DOCK3: variants seen among roughly 807,000 people sequenced by gnomAD.
The protein encoded by DOCK3 is dedicator of cytokinesis 3.
In DOCK3, 60 loss-of-function variants were observed where a neutral mutation model predicts 265.6. The observed-to-expected ratio is 0.23, with a 90% CI of 0.18 to 0.28. The LOEUF is 0.28. Among genes scored for constraint, DOCK3 ranks in the 10% least tolerant of loss-of-function variants. DOCK3 has a pLI of 1.00. For synonymous variants in DOCK3, 881 were observed against 938.0 expected (o/e 0.94, Z 1.11); for missense variants, 1,981 against 2,594.3 (o/e 0.76, Z 5.14).
chr3:50,921,635 G>C (rs988919495), intron 4 of DOCK3, among the ~76,000 whole-genome samples: 24 of 151,898 alleles, frequency 1.6e-4, no homozygotes, highest in African/African-American at 5.8e-4. Context: ...GAGGTGCTCT[G>C]ATTTTTAGAA....
At chr3:51,224,736 AT>A (rs56741807) in intron 14 of DOCK3, among the ~76,000 whole-genome samples, 4,040 of 144,532 alleles carry the variant, frequency 0.028, 164 homozygotes, top group African/African-American at 0.092. Context: ...GCGTTTTACT[AT>A]TTTTTTTTTT....
intron 10 of DOCK3, among the ~76,000 whole-genome samples, chr3:51,148,439 C>T (rs1168702446): frequency 6.6e-6 from 1 of 152,104 alleles, no homozygotes; most frequent in Non-Finnish European, 1.5e-5. Context: ...CTGAATGGTA[C>T]TGCCTGGGTT....
chr3:51,297,026 G>A (rs2082118508), intron 27 of DOCK3, among the ~76,000 whole-genome samples: 1 of 146,954 alleles, frequency 6.8e-6, no homozygotes, highest in Non-Finnish European at 1.5e-5. Flanking sequence ...GCTGAGGCAT[G>A]AGAATCGCTT....
intron 10 of DOCK3, among the ~76,000 whole-genome samples, chr3:51,152,673 G>A (rs1486529553): frequency 6.6e-6 from 1 of 152,146 alleles, no homozygotes; most frequent in Non-Finnish European, 1.5e-5. Context: ...CTACAGATGG[G>A]GTTTTGGTGT....
chr3:51,020,791 T>G (rs569208501), intron 5 of DOCK3, among the ~76,000 whole-genome samples: 1 of 151,936 alleles, frequency 6.6e-6, no homozygotes, highest in South Asian at 2.1e-4. Context: ...GTGTGCAGTC[T>G]TATTTCTGAG....
chr3:51,085,525 A>G (rs1313689406), intron 7 of DOCK3, among the ~76,000 whole-genome samples: 3 of 152,236 alleles, frequency 2.0e-5, no homozygotes, highest in Non-Finnish European at 2.9e-5. Flanking sequence ...GAACTTTGTA[A>G]ACTGTATAAA....
At chr3:51,012,063 C>T (rs191855229) in intron 5 of DOCK3, among the ~76,000 whole-genome samples, 21 of 152,286 alleles carry the variant, frequency 1.4e-4, no homozygotes, top group East Asian at 3.9e-4. Flanking sequence ...TTAGGCTACT[C>T]GGGGGTCAGG....
chr3:51,060,869 AAAAC>A lies in DOCK3; in HGVS notation c.316-3572_316-3569del, dbSNP rs1180513812. 2.0e-5 allele frequency among the ~76,000 whole-genome samples: 3 copies of A among 152,212 alleles called. No homozygotes were observed. The East Asian group carries it at 5.8e-4, about 29-fold the overall frequency. ...TGAACTCAAACAAATTTACAAGAAAAAAACAAACAACCCTATCAACAAGTGGGCA... is the reference window on the plus strand; with the variant it reads ...TGAACTCAAACAAATTTACAAGAAAAAAACAACCCTATCAACAAGTGGGCA... On this transcript the variant is annotated intron_variant, in intron 5 of 52. Coordinates refer to ENST00000266037, the MANE Select transcript of DOCK3 (RefSeq NM_004947.5).
At chr3:51,121,991 T>C (rs547005866) in intron 9 of DOCK3, among the ~76,000 whole-genome samples, 4 of 152,288 alleles carry the variant, frequency 2.6e-5, no homozygotes, top group Admixed American at 2.6e-4. Flanking sequence ...GTCATAGTCA[T>C]GGACTCCAGA....
At chr3:51,246,922 C>T in intron 22 of DOCK3, 115 bp downstream of exon 22, 1 of 1,001,532 alleles carries the variant, frequency 1.0e-6, no homozygotes. Flanking sequence ...GGCCTGCTTT[C>T]AGGAATGACT....
intron 12 of DOCK3, among the ~76,000 whole-genome samples, chr3:51,193,488 A>G (rs2107871468): frequency 6.6e-6 from 1 of 152,210 alleles, no homozygotes; most frequent in East Asian, 1.9e-4. Context: ...TTTCAAGACA[A>G]TTGGTATTAG....
chr3:50,848,087 G>A (rs945178608), intron 3 of DOCK3, among the ~76,000 whole-genome samples: 2 of 151,622 alleles, frequency 1.3e-5, no homozygotes, highest in African/African-American at 4.9e-5. Context: ...TTGGTTTAAA[G>A]TCTCTTTTAT....
chr3:51,332,934 A>G (rs2084625913), intron 33 of DOCK3, 67 bp from the exon 34 acceptor site: 4 of 1,600,832 alleles, frequency 2.5e-6, no homozygotes, highest in Non-Finnish European at 3.4e-6. Context: ...GAAATAGAAG[A>G]TGTGTTTTCA....
chr3:50,731,479 A>G (rs1377905510), intron 1 of DOCK3, among the ~76,000 whole-genome samples: 2 of 152,334 alleles, frequency 1.3e-5, no homozygotes, highest in African/African-American at 4.8e-5. Context: ...GAAGTTATAC[A>G]TGTGTAGGGG....
At position 50,776,405 on chromosome 3, in the gene DOCK3, A is replaced by T. The variant is rs200512487; in HGVS notation, c.38-2270A>T. ...ATCTTCTTTTGAGAATTGCCTATTC[A>T]TGTCCTTTTTCCAGTTTTTTATGTG... is the stretch of plus-strand genomic sequence containing the variant. On this transcript the variant is annotated intron_variant, in intron 1 of 52. Coordinates refer to ENST00000266037, the MANE Select transcript of DOCK3 (RefSeq NM_004947.5). 3.3e-5 allele frequency among the ~76,000 whole-genome samples: 5 copies of T among 150,412 alleles called. No homozygotes were observed. The East Asian group carries it at 9.7e-4, about 29-fold the overall frequency.
chr3:51,199,214 G>A (rs920280644), intron 12 of DOCK3, among the ~76,000 whole-genome samples: 25 of 152,322 alleles, frequency 1.6e-4, no homozygotes, highest in Non-Finnish European at 2.5e-4. Context: ...CACACCGTGC[G>A]TGAGCCAAAG....
chr3:51,207,583 C>T lies in DOCK3; in HGVS notation c.1038-1191C>T, dbSNP rs182748283. On this transcript the variant is annotated intron_variant, in intron 12 of 52. Transcript: ENST00000266037. Reference sequence around the variant, plus strand: ...GATATATTTTTATGGCCAAGGAGTCCAAAGAGCCACTGACTGGGTAACAAT... The same window carrying T: ...GATATATTTTTATGGCCAAGGAGTCTAAAGAGCCACTGACTGGGTAACAAT... Among the ~76,000 whole-genome samples, 7 of 152,198 alleles carry T rather than the reference C, an allele frequency of 4.6e-5. No homozygotes were observed. The East Asian group carries it at 1.4e-3, about 29-fold the overall frequency.
At chr3:51,058,290 T>C (rs2081274622) in intron 5 of DOCK3, among the ~76,000 whole-genome samples, 1 of 152,170 alleles carries the variant, frequency 6.6e-6, no homozygotes, top group Non-Finnish European at 1.5e-5. Context: ...GATTCAAAAC[T>C]GTGGGAAAAT....
At chr3:51,069,962 G>A (rs144550298) in intron 6 of DOCK3, among the ~76,000 whole-genome samples, 5 of 152,176 alleles carry the variant, frequency 3.3e-5, no homozygotes, top group Admixed American at 3.3e-4. Context: ...GGTTCTTCCC[G>A]TACCTGGTGG....
Sources: allele counts gnomAD v4.1 joint callset (sites outside exome capture counted in the v4.1 genomes callset), GRCh38; gene constraint gnomAD v4.1.1; transcripts MANE v1.5; gene names NCBI Gene and HGNC (gene_info 2026-07-23, HGNC 2026-07-21).